The following SGCD variants were observed in gnomAD, a reference collection of about 807,000 sequenced individuals.
SGCD encodes the protein delta-sarcoglycan.
In SGCD, 18 loss-of-function variants were observed where a neutral mutation model predicts 36.6. That is an observed-to-expected ratio of 0.49 (90% CI 0.34 to 0.73). The LOEUF (loss-of-function observed/expected upper bound fraction) is 0.73. SGCD is among the 30% of genes least tolerant of loss of function. The probability of loss-of-function intolerance (pLI) is 0.01; values close to 1 mark genes in which losing one functional copy is unlikely to be tolerated. For missense variants in SGCD, 387 were observed against 346.7 expected (o/e 1.12, Z -0.92); for synonymous variants, 133 against 130.6 (o/e 1.02, Z -0.12).
chr5:156,245,240 T>C (rs894672582), intron 3 of SGCD, among the ~76,000 whole-genome samples: 3 of 152,186 alleles, frequency 2.0e-5, no homozygotes, highest in African/African-American at 4.8e-5. Context: ...TCATCCACCT[T>C]AAAGTTTTTG....
Position 156,767,226 on chromosome 5 carries a change from C to G in SGCD, c.*7836C>G, listed in dbSNP as rs1757608876. 1 of 152,084 alleles carries G rather than the reference C, an allele frequency of 6.6e-6. No homozygotes were observed. The highest frequency in any genetic ancestry group is 1.5e-5 in the Non-Finnish European group (1 of 68,014). 9.4% of individuals were successfully genotyped at this position (152,084 alleles called of 1,614,324 possible). ...TGTCGGCACATCTAAATTTAGTGAACACAAAATTAATTTTTATCTAGTCTG... is the reference window on the plus strand; with the variant it reads ...TGTCGGCACATCTAAATTTAGTGAAGACAAAATTAATTTTTATCTAGTCTG... On this transcript the variant is annotated 3_prime_UTR_variant, in exon 9 of 9. Coordinates refer to ENST00000337851, the MANE Select transcript of SGCD (RefSeq NM_000337.6).
chr5:155,770,330 T>C, the SGCD span, among the ~76,000 whole-genome samples: 80 of 151,988 alleles, frequency 5.3e-4, no homozygotes, highest in South Asian at 0.016. Flanking sequence ...TAATTTGGAC[T>C]TGAAGAGCAT....
chr5:156,176,476 C>T (rs569443982), intron 3 of SGCD, among the ~76,000 whole-genome samples: 2 of 152,254 alleles, frequency 1.3e-5, no homozygotes, highest in South Asian at 4.2e-4. Context: ...CTTTCTCTCC[C>T]ATAGGAAGCT....
chr5:156,135,080 T>G (rs1035883498), intron 3 of SGCD, among the ~76,000 whole-genome samples: 3 of 152,206 alleles, frequency 2.0e-5, no homozygotes, highest in Non-Finnish European at 4.4e-5. Context: ...TTCCCAACTC[T>G]GCATAGCGTA....
intron 6 of SGCD, among the ~76,000 whole-genome samples, chr5:156,598,604 G>GAA (rs149584600): frequency 1.7e-4 from 26 of 152,226 alleles, no homozygotes; most frequent in African/African-American, 6.3e-4. Flanking sequence ...ATGCCTAGGG[G>GAA]AAAAAGTGGT....
chr5:156,582,779 A>C (rs1310559283), intron 4 of SGCD, among the ~76,000 whole-genome samples: 1 of 152,218 alleles, frequency 6.6e-6, no homozygotes, highest in Non-Finnish European at 1.5e-5. Context: ...CTTTGGACAC[A>C]CACAGACGCA....
At chr5:156,742,690 G>A (rs919864469) in intron 7 of SGCD, among the ~76,000 whole-genome samples, 21 of 152,240 alleles carry the variant, frequency 1.4e-4, no homozygotes, top group Middle Eastern at 3.4e-3. Flanking sequence ...CTGGAGATCC[G>A]GGAGAGCTGA....
intron 4 of SGCD, among the ~76,000 whole-genome samples, chr5:156,571,304 C>G (rs1759714685): frequency 6.6e-6 from 1 of 152,202 alleles, no homozygotes; most frequent in Non-Finnish European, 1.5e-5. Flanking sequence ...CCTGGGCCTC[C>G]CAAAGTGCTG....
At chr5:155,910,740 TAGAA>T (rs970119979) in intron 1 of SGCD, among the ~76,000 whole-genome samples, 1 of 152,074 alleles carries the variant, frequency 6.6e-6, no homozygotes, top group Non-Finnish European at 1.5e-5. Context: ...TTGGTAATAA[TAGAA>T]AGAGAAGATA....
At chr5:156,078,523 A>ATATATATATATTTATTTATATATATATT (rs1561710101) in intron 1 of SGCD, among the ~76,000 whole-genome samples, 1 of 121,072 alleles carries the variant, frequency 8.3e-6, no homozygotes, top group African/African-American at 4.8e-5. Flanking sequence ...AAAAAAAAAT[A>ATATATATATATTTATTTATATATATATT]TATATATATA....
chr5:156,221,580 A>G (rs1764716498), intron 3 of SGCD, among the ~76,000 whole-genome samples: 1 of 151,958 alleles, frequency 6.6e-6, no homozygotes, highest in African/African-American at 2.4e-5. Flanking sequence ...ACAAAAAACA[A>G]AAACAACAAC....
chr5:156,273,517 C>A (rs543445704), intron 3 of SGCD, among the ~76,000 whole-genome samples: 1 of 152,294 alleles, frequency 6.6e-6, no homozygotes, highest in South Asian at 2.1e-4. Context: ...ACTTTCTAAT[C>A]GGGCTCTGCT....
the SGCD span, among the ~76,000 whole-genome samples, chr5:155,733,081 C>T: frequency 5.4e-5 from 8 of 148,774 alleles, no homozygotes; most frequent in South Asian, 2.1e-4. Flanking sequence ...AATGCTCCTT[C>T]GGTGCATGAG....
At chr5:156,433,570 C>T (rs1753116695) in intron 3 of SGCD, among the ~76,000 whole-genome samples, 1 of 152,178 alleles carries the variant, frequency 6.6e-6, no homozygotes, top group Non-Finnish European at 1.5e-5. Context: ...TCCTGCCCTA[C>T]TACCTGTACA....
chr5:155,917,974 G>T (rs1756790371), intron 1 of SGCD, among the ~76,000 whole-genome samples: 2 of 152,118 alleles, frequency 1.3e-5, no homozygotes, highest in African/African-American at 4.8e-5. Flanking sequence ...GCATATGTTT[G>T]TGTTCTATTT....
intron 7 of SGCD, among the ~76,000 whole-genome samples, chr5:156,738,252 T>C (rs1756478319): frequency 1.3e-5 from 2 of 152,128 alleles, no homozygotes; most frequent in South Asian, 4.1e-4. Flanking sequence ...AGAATCACAG[T>C]GTAAAGAATG....
chr5:155,898,452 A>G (rs1756317542), intron 1 of SGCD, among the ~76,000 whole-genome samples: 2 of 152,354 alleles, frequency 1.3e-5, no homozygotes, highest in Admixed American at 6.5e-5. Flanking sequence ...GCACATATTT[A>G]GAAAGATGGT....
intron 4 of SGCD, among the ~76,000 whole-genome samples, chr5:156,536,338 C>T (rs1252593457): frequency 6.6e-6 from 1 of 152,138 alleles, no homozygotes; most frequent in Non-Finnish European, 1.5e-5. Flanking sequence ...AACTACCCCA[C>T]AGCATATATT....
At chr5:156,087,655 A>C (rs1386162531) in intron 1 of SGCD, among the ~76,000 whole-genome samples, 16 of 151,890 alleles carry the variant, frequency 1.1e-4, no homozygotes, top group Non-Finnish European at 2.4e-4. Context: ...AAAAAAAAAA[A>C]AAAAAACTAG....
Sources: gnomAD v4.1 joint callset for allele counts (sites outside exome capture counted in the v4.1 genomes callset) on GRCh38, gnomAD v4.1.1 for gene constraint, MANE v1.5 for transcripts, NCBI Gene and HGNC (gene_info 2026-07-23, HGNC 2026-07-21) for gene names.